Variants in BFAR observed in about 807,000 individuals in gnomAD.
BFAR encodes bifunctional apoptosis regulator.
In BFAR, 52 loss-of-function variants were observed where a neutral mutation model predicts 54.4. The ratio of observed to expected loss-of-function variants is 0.96; its 90% CI spans 0.77 to 1.21. The LOEUF (loss-of-function observed/expected upper bound fraction) is 1.21, where lower values mean the gene tolerates loss of function less well. Among genes scored for constraint, BFAR ranks in the 50% most tolerant of loss-of-function variants. The pLI is 0.00. For synonymous variants in BFAR, 215 were observed against 204.3 expected (o/e 1.05, Z -0.45); for missense variants, 571 against 534.0 (o/e 1.07, Z -0.68).
rs370989353 is a variant in BFAR at position 14,644,370 on chromosome 16, T to C, written c.24T>C (p.Tyr8=). MEEPQKS[Y]VNTMDLERDE... is the part of the protein sequence containing the mutation. ...AGATGGAGGAACCTCAGAAAAGCTA[T>C]GTGAACACAATGGACCTTGAGAGAG... is the stretch of plus-strand genomic sequence containing the variant. Residue 8 remains tyrosine, a synonymous_variant, in exon 2 of 8, where the codon TAT becomes TAC. Coordinates refer to ENST00000261658, the MANE Select transcript of BFAR (RefSeq NM_016561.3). 1.9e-4 allele frequency: 301 copies of C among 1,613,872 alleles called. No individual in the cohort carries two copies. The highest frequency in any genetic ancestry group is 2.4e-4 in the Non-Finnish European group (284 of 1,179,988).
At chr16:14,633,182 C>T (rs1428816340) in intron 1 of BFAR, 164 bp downstream of exon 1, 1 of 152,274 alleles carries the variant, frequency 6.6e-6, no homozygotes, top group African/African-American at 2.4e-5. Context: ...CTGAGCATCC[C>T]CACTCCTGGC....
chr16:14,651,479 GTGTTTT>G (rs1302555220), intron 4 of BFAR, among the ~76,000 whole-genome samples: 1 of 152,074 alleles, frequency 6.6e-6, no homozygotes, highest in Non-Finnish European at 1.5e-5. Context: ...CCGGAGTATT[GTGTTTT>G]TGTTTTTGTT....
chr16:14,662,657 C>A (rs1318236787), intron 6 of BFAR, among the ~76,000 whole-genome samples: 4 of 152,110 alleles, frequency 2.6e-5, no homozygotes, highest in Non-Finnish European at 4.4e-5. Flanking sequence ...GTAGCTGGGA[C>A]TACAGGCGAG....
intron 4 of BFAR, 39 bp downstream of exon 4, chr16:14,650,012 A>G: frequency 6.4e-7 from 1 of 1,558,544 alleles, no homozygotes; most frequent in Non-Finnish European, 8.7e-7. Context: ...TGGACATTTT[A>G]GAAAACAGCT....
At chr16:14,662,186 G>T (rs1960310520) in intron 6 of BFAR, 121 bp downstream of exon 6, 1 of 1,188,186 alleles carries the variant, frequency 8.4e-7, no homozygotes, top group African/African-American at 1.5e-5. Context: ...AGAATGTCTG[G>T]TAGGTCATTT....
chr16:14,644,552 A>C lies in BFAR; in HGVS notation c.206A>C (p.Glu69Ala). ...TGGTGGGCATCTTCAAAGAAAACAG[A>C]ATGTCCAGAATGCAGAGAAAAATGG... ...ALWWASSKKTECPECREKWEG... is the reference protein window; with the variant it reads ...ALWWASSKKTACPECREKWEG... The change falls in exon 2 of 8, where the codon GAA becomes GCA. Residue 69 changes from glutamate to alanine, a missense_variant. By Grantham distance (107) the Glu-to-Ala change is moderately radical (BLOSUM62 -1). Coordinates refer to ENST00000261658, the MANE Select transcript of BFAR (RefSeq NM_016561.3). The C allele has an allele frequency of 1.2e-6, 2 of 1,614,074 alleles. No homozygotes were observed. Among genetic ancestry groups the C allele is most frequent in the Non-Finnish European group, 1.7e-6 (2 of 1,179,978 alleles).
At chr16:14,634,550 G>A (rs1959373478) in intron 1 of BFAR, among the ~76,000 whole-genome samples, 1 of 152,176 alleles carries the variant, frequency 6.6e-6, no homozygotes, top group African/African-American at 2.4e-5. Flanking sequence ...ACAGCAGGGC[G>A]GGGCTCCGCA....
chr16:14,662,723 G>T (rs1960325664), intron 6 of BFAR, among the ~76,000 whole-genome samples: 1 of 151,992 alleles, frequency 6.6e-6, no homozygotes, highest in Non-Finnish European at 1.5e-5. Context: ...TCACCATGTT[G>T]CCCAGCCTGG....
chr16:14,649,860 C>G lies in BFAR; in HGVS notation c.525C>G (p.Val175=), dbSNP rs1418281835. Residue 175 remains valine, a synonymous_variant, in exon 4 of 8, where the codon GTC becomes GTG. Coordinates refer to ENST00000261658, the MANE Select transcript of BFAR (RefSeq NM_016561.3). The part of the protein sequence containing the change: ...SSRESEHDLL[V]HKAVAKWTAE... ...GGGAATCTGAACACGACCTCCTGGT[C>G]CACAAGGCTGTGGCCAAATGGACGG... The G allele has an allele frequency of 6.8e-6, 11 of 1,613,150 alleles. No homozygotes were observed. The highest frequency in any genetic ancestry group is 8.5e-6 in the Non-Finnish European group (10 of 1,179,594).
chr16:14,660,291 C>G (rs1470238499), intron 5 of BFAR, among the ~76,000 whole-genome samples: 1 of 152,054 alleles, frequency 6.6e-6, no homozygotes, highest in Admixed American at 6.6e-5. Context: ...TAAATTGAAT[C>G]TTTTTTCTTT....
At chr16:14,652,205 T>C (rs764424975) in intron 4 of BFAR, among the ~76,000 whole-genome samples, 2 of 151,440 alleles carry the variant, frequency 1.3e-5, no homozygotes, top group African/African-American at 2.4e-5. Context: ...CTAACACAGA[T>C]TGGAATAAGG....
chr16:14,655,038 A>C, intron 4 of BFAR, 28 bp from the exon 5 acceptor site: 1 of 1,580,086 alleles, frequency 6.3e-7, no homozygotes, highest in East Asian at 2.3e-5. Context: ...TATAATCGCA[A>C]AATAAATCTC....
At chr16:14,655,604 TTA>T (rs1960108755) in intron 5 of BFAR, among the ~76,000 whole-genome samples, 1 of 151,902 alleles carries the variant, frequency 6.6e-6, no homozygotes, top group Admixed American at 6.6e-5. Context: ...AGGCTAATGT[TTA>T]TGTTTCTAGT....
chr16:14,634,670 A>T (rs980279970), intron 1 of BFAR, among the ~76,000 whole-genome samples: 45 of 152,148 alleles, frequency 3.0e-4, no homozygotes, highest in Admixed American at 1.9e-3. Context: ...TCTTAAAAAA[A>T]TTTTTTTAAA....
At chr16:14,641,477 G>A (rs1420620291) in intron 1 of BFAR, among the ~76,000 whole-genome samples, 1 of 151,954 alleles carries the variant, frequency 6.6e-6, no homozygotes, top group African/African-American at 2.4e-5. Flanking sequence ...TGTGAACCCA[G>A]GAGGCGGAGC....
intron 6 of BFAR, among the ~76,000 whole-genome samples, chr16:14,662,852 C>T (rs1248915665): frequency 6.6e-6 from 1 of 152,134 alleles, no homozygotes; most frequent in Non-Finnish European, 1.5e-5. Context: ...GGCAAGACTC[C>T]TGTCTCAAGA....
intron 1 of BFAR, among the ~76,000 whole-genome samples, chr16:14,635,704 T>C (rs1455548133): frequency 1.3e-5 from 2 of 152,154 alleles, no homozygotes; most frequent in Non-Finnish European, 2.9e-5. Context: ...AAAAATCTAG[T>C]TGGAGTTTGA....
chr16:14,653,015 A>G (rs1447519476), intron 4 of BFAR, among the ~76,000 whole-genome samples: 1 of 152,100 alleles, frequency 6.6e-6, no homozygotes, highest in Non-Finnish European at 1.5e-5. Context: ...TCCTACTTTA[A>G]TTAGCTTTAT....
intron 2 of BFAR, among the ~76,000 whole-genome samples, chr16:14,647,050 T>G (rs976393798): frequency 1.3e-5 from 2 of 152,064 alleles, no homozygotes; most frequent in Non-Finnish European, 2.9e-5. Flanking sequence ...GTGCTGAGAT[T>G]ACAGGCGTGA....
Sources: allele counts gnomAD v4.1 joint callset (sites outside exome capture counted in the v4.1 genomes callset), GRCh38; gene constraint gnomAD v4.1.1; transcripts MANE v1.5; gene names NCBI Gene and HGNC (gene_info 2026-07-23, HGNC 2026-07-21).